Variants in SLC37A3 observed in about 807,000 individuals in gnomAD.
SLC37A3 encodes solute carrier family 37 member 3.
SLC37A3 carries 51 observed loss-of-function variants against 67.1 expected under a neutral mutation model. The ratio of observed to expected loss-of-function variants is 0.76; its 90% CI spans 0.61 to 0.96. The LOEUF (loss-of-function observed/expected upper bound fraction) is 0.96, where lower values mean the gene tolerates loss of function less well. SLC37A3 is among the 40% of genes least tolerant of loss of function. SLC37A3 has a pLI of 0.00. For missense variants in SLC37A3, 508 were observed against 603.0 expected, an observed-to-expected ratio of 0.84 and a Z score of 1.65; for synonymous variants, 214 against 231.4, an observed-to-expected ratio of 0.92 and a Z score of 0.68.
chr7:140,347,732 C>T (rs1796620165), intron 10 of SLC37A3, among the ~76,000 whole-genome samples: 1 of 151,050 alleles, frequency 6.6e-6, no homozygotes, highest in Non-Finnish European at 1.5e-5. Context: ...TACTTATTAC[C>T]TCCTTGTTGA....
chr7:140,352,076 G>A lies in SLC37A3; in HGVS notation c.689C>T (p.Ser230Leu). 6.2e-7 allele frequency: 1 copy of A among 1,612,082 alleles called. No homozygotes were observed. The highest frequency in any genetic ancestry group is 1.1e-5 in the South Asian group (1 of 90,288). The part of the protein sequence containing the change: ...GIVIFFGLLV[S>L]PEEIGLSGIE... ...CTTCTCCTCACCAATTTCTTCTGGT[G>A]ACACCAGGAGTCCAAAGAAGATAAC... The change falls in exon 8 of 15, where the codon TCA (serine) becomes TTA (leucine). Residue 230 changes from serine (S) to leucine (L), a missense_variant. Physicochemically the swap from Ser to Leu is moderately radical, Grantham distance 145 (BLOSUM62 -2). Coordinates refer to ENST00000326232, the MANE Select transcript of SLC37A3 (RefSeq NM_207113.3).
At chr7:140,339,813 T>C (rs997604065) in intron 13 of SLC37A3, among the ~76,000 whole-genome samples, 3 of 151,414 alleles carry the variant, frequency 2.0e-5, no homozygotes, top group African/African-American at 7.3e-5. Context: ...CTCAGCTCAC[T>C]GCAAGCTCCA....
At chr7:140,379,973 A>G (rs1798185499) in intron 3 of SLC37A3, 1 of 175,952 alleles carries the variant, frequency 5.7e-6, no homozygotes, top group Admixed American at 6.2e-5. Flanking sequence ...AGGGCAAAAG[A>G]GCACATAAAA....
intron 11 of SLC37A3, 44 bp downstream of exon 11, chr7:140,345,825 G>T: frequency 1.4e-6 from 2 of 1,471,650 alleles, no homozygotes; most frequent in Non-Finnish European, 1.9e-6. Context: ...ATTCCAACCA[G>T]ATTAGGGGAG....
intron 13 of SLC37A3, among the ~76,000 whole-genome samples, chr7:140,339,480 C>G (rs563150322): frequency 1.1e-4 from 16 of 151,934 alleles, no homozygotes; most frequent in African/African-American, 3.9e-4. Context: ...AGGCTGGTCT[C>G]GAACTCCTGA....
At chr7:140,379,719 C>G (rs1051783148) in intron 3 of SLC37A3, among the ~76,000 whole-genome samples, 2 of 148,676 alleles carry the variant, frequency 1.3e-5, no homozygotes, top group Non-Finnish European at 1.5e-5. Context: ...GTGGTGAAAC[C>G]CCATCTCTAC....
At chr7:140,375,660 A>G (rs1226581676) in intron 3 of SLC37A3, among the ~76,000 whole-genome samples, 2 of 152,222 alleles carry the variant, frequency 1.3e-5, no homozygotes, top group Admixed American at 1.3e-4. Context: ...ACGAACTACG[A>G]AAGAATCAAA....
At chr7:140,371,504 A>G (rs542863547) in intron 3 of SLC37A3, among the ~76,000 whole-genome samples, 1 of 152,278 alleles carries the variant, frequency 6.6e-6, no homozygotes, top group Admixed American at 6.5e-5. Context: ...GCAAAATGCC[A>G]TGTATGATTC....
chr7:140,355,740 C>G lies in SLC37A3; in HGVS notation c.546G>C (p.Trp182Cys). The G allele has an allele frequency of 6.2e-7, 1 of 1,613,892 alleles. No homozygotes were observed. The highest frequency in any genetic ancestry group is 2.2e-5 in the East Asian group (1 of 44,886). The change falls in exon 7 of 15, where the codon TGG (tryptophan) becomes TGC (cysteine). Residue 182 changes from tryptophan to cysteine, a missense_variant. Trp to Cys is a radical substitution (Grantham distance 215). Coordinates refer to ENST00000326232, the MANE Select transcript of SLC37A3 (RefSeq NM_207113.3). ...TGTTGCCCACCGAAGCACAGGCACT[C>G]CAGAGACCAAAAACAACTCCTCGTC... Reference protein sequence around the residue: ...KAGRGVVFGLWSACASVGNIL... With the variant: ...KAGRGVVFGLCSACASVGNIL...
intron 1 of SLC37A3, among the ~76,000 whole-genome samples, chr7:140,384,465 A>G (rs1275562289): frequency 6.6e-6 from 1 of 152,062 alleles, no homozygotes; most frequent in Non-Finnish European, 1.5e-5. Flanking sequence ...TAATCCCCAC[A>G]CTTTGGTAGG....
intron 5 of SLC37A3, among the ~76,000 whole-genome samples, chr7:140,360,099 T>C (rs1400333003): frequency 1.3e-5 from 2 of 152,132 alleles, no homozygotes; most frequent in African/African-American, 4.8e-5. Flanking sequence ...GTAATTCCAG[T>C]GTTTGCGGAG....
intron 3 of SLC37A3, among the ~76,000 whole-genome samples, chr7:140,372,476 C>G (rs1248764692): frequency 6.6e-6 from 1 of 152,196 alleles, no homozygotes; most frequent in Non-Finnish European, 1.5e-5. Context: ...TGCACCTTAG[C>G]ATAAACCAAG....
chr7:140,348,254 C>T lies in SLC37A3; in HGVS notation c.1024+372G>A, dbSNP rs867900256. On this transcript the variant is annotated intron_variant, in intron 10 of 14. Transcript: ENST00000326232. Reference sequence around the variant, plus strand: ...CACGTTCATATTCTAACTTGGATCTCTGACATACAATTAGCTTTAGAGCTA... The same window carrying T: ...CACGTTCATATTCTAACTTGGATCTTTGACATACAATTAGCTTTAGAGCTA... Among the ~76,000 whole-genome samples the T allele has an allele frequency of 1.6e-4, 25 of 152,196 alleles. No homozygotes were observed. In the Middle Eastern group the frequency reaches 0.01, roughly 62 times the overall value.
chr7:140,361,701 G>A (rs1797305007), intron 5 of SLC37A3, among the ~76,000 whole-genome samples: 1 of 149,870 alleles, frequency 6.7e-6, no homozygotes, highest in Non-Finnish European at 1.5e-5. Flanking sequence ...GGCGCGCGCC[G>A]CCACGCCTGA....
intron 13 of SLC37A3, among the ~76,000 whole-genome samples, chr7:140,339,095 T>C (rs1796254070): frequency 6.6e-6 from 1 of 152,128 alleles, no homozygotes; most frequent in African/African-American, 2.4e-5. Flanking sequence ...CAGCTCACTG[T>C]AACTTCCCTT....
chr7:140,367,371 G>A (rs1205583568), intron 4 of SLC37A3, among the ~76,000 whole-genome samples: 5 of 152,042 alleles, frequency 3.3e-5, no homozygotes, highest in Admixed American at 6.6e-5. Context: ...AGGAGGCGGA[G>A]GTTGCAGTGA....
chr7:140,352,964 T>C (rs532237832), intron 7 of SLC37A3, among the ~76,000 whole-genome samples: 259 of 152,238 alleles, frequency 1.7e-3, no homozygotes, highest in Non-Finnish European at 2.6e-3. Flanking sequence ...AACTGAAATT[T>C]TCATCTGAAC....
At chr7:140,391,983 TCTATAC>T (rs1798742551) in intron 1 of SLC37A3, among the ~76,000 whole-genome samples, 2 of 152,194 alleles carry the variant, frequency 1.3e-5, no homozygotes, top group African/African-American at 4.8e-5. Context: ...AATCTGCCTT[TCTATAC>T]CTATAACTGT....
At chr7:140,388,975 A>C (rs1449718184) in intron 1 of SLC37A3, among the ~76,000 whole-genome samples, 2 of 152,294 alleles carry the variant, frequency 1.3e-5, no homozygotes, top group East Asian at 3.9e-4. Context: ...CGCCTTTGCA[A>C]AACTATAACT....
Sources: gnomAD v4.1 joint callset for allele counts (sites outside exome capture counted in the v4.1 genomes callset) on GRCh38, gnomAD v4.1.1 for gene constraint, MANE v1.5 for transcripts, NCBI Gene and HGNC (gene_info 2026-07-23, HGNC 2026-07-21) for gene names.